Variants in KRT78 observed in about 807,000 individuals in gnomAD.
The protein encoded by KRT78 is keratin, type II cytoskeletal 78.
Under a neutral mutation model 51.4 loss-of-function variants are expected in KRT78, and 55 were observed. The observed-to-expected ratio is 1.07, with a 90% CI of 0.86 to 1.34. KRT78 has a LOEUF of 1.34. Ranked by LOEUF, KRT78 falls within the 40% of genes most tolerant of loss-of-function variation. The pLI is 0.00. For missense variants in KRT78, 652 were observed against 649.4 expected, an observed-to-expected ratio of 1.00 and a Z score of -0.04; for synonymous variants, 291 against 264.3, an observed-to-expected ratio of 1.10 and a Z score of -0.98.
intron 2 of KRT78, 74 bp from the exon 3 acceptor site, chr12:52,846,898 C>T: frequency 8.6e-7 from 1 of 1,159,240 alleles, no homozygotes; most frequent in Admixed American, 1.8e-5. Flanking sequence ...CCGAGCATGA[C>T]CTCCCTGAAA....
chr12:52,839,184 C>T lies in KRT78; in HGVS notation c.1492G>A (p.Ala498Thr), dbSNP rs777325951. 74 of 1,612,748 alleles carry T rather than the reference C, an allele frequency of 4.6e-5. No individual in the cohort carries two copies. The highest frequency in any genetic ancestry group is 4.5e-5 in the East Asian group (2 of 44,870). ...AGGATGGTGTGGCAGCTGGAGCCAG[C>T]GCTGGAGCCAGACACAGAGCAGGAA... ...LDSCSVSGSS[A>T]GSSCHTILKK... The change falls in exon 9 of 9, where the codon GCT becomes ACT. Residue 498 changes from alanine (A) to threonine (T), a missense_variant. Ala to Thr is a moderately conservative substitution (Grantham distance 58). Transcript: ENST00000304620.
intron 6 of KRT78, among the ~76,000 whole-genome samples, chr12:52,840,235 C>A (rs1940461276): frequency 6.6e-6 from 1 of 152,104 alleles, no homozygotes; most frequent in Non-Finnish European, 1.5e-5. Flanking sequence ...TCATGTCCAC[C>A]CAGAACCCCA....
In KRT78 at chr12:52,848,319, C is replaced by A. The variant is rs1285237469; in HGVS notation, c.385-198G>T. The A allele has an allele frequency of 3.3e-6, 5 of 1,510,758 alleles. No homozygotes were observed. The African/African-American group carries it at 5.5e-5, about 17-fold the overall frequency. 93.6% of individuals were successfully genotyped at this position (1,510,758 alleles called of 1,614,324 possible). The stretch of plus-strand genomic sequence containing the variant: ...GACTGGACTGACTAATGGGGCAGGG[C>A]CTTCCCCCCGCTGGCTGGCAGTTCT... On this transcript the variant is annotated intron_variant, in intron 1 of 8. Coordinates refer to ENST00000304620, the MANE Select transcript of KRT78 (RefSeq NM_173352.4).
At chr12:52,840,072 T>C in intron 6 of KRT78, 88 bp from the exon 7 acceptor site, 2 of 914,770 alleles carry the variant, frequency 2.2e-6, no homozygotes, top group South Asian at 3.2e-5. Context: ...ACTTGAAGGC[T>C]GGGGCGGATC....
chr12:52,839,054 G>C lies in KRT78; in HGVS notation c.*59C>G. The C allele has an allele frequency of 2.5e-6, 4 of 1,569,076 alleles. No individual in the cohort carries two copies. The highest frequency in any genetic ancestry group is 2.6e-6 in the Non-Finnish European group (3 of 1,161,060). On this transcript the variant is annotated 3_prime_UTR_variant, in exon 9 of 9. Coordinates refer to ENST00000304620, the MANE Select transcript of KRT78 (RefSeq NM_173352.4). ...GCGGACACGGAGTTGGCCTTGCAGA[G>C]CCGGCTGATGGGGGGAGTGGGCCAA...
intron 2 of KRT78, 40 bp downstream of exon 2, chr12:52,847,867 A>G (rs749887245): frequency 6.3e-7 from 1 of 1,582,912 alleles, no homozygotes; most frequent in Non-Finnish European, 8.7e-7. Flanking sequence ...GTCATCCCAG[A>G]CCCCGCCCAC....
At chr12:52,843,008 AGGAGGGAG>A (rs775388728) in intron 6 of KRT78, among the ~76,000 whole-genome samples, 77 of 25,160 alleles carry the variant, frequency 3.1e-3, no homozygotes, top group Non-Finnish European at 5.5e-3. Flanking sequence ...GAAGGAAGGA[AGGAGGGAG>A]GGAGGGAGGG....
intron 6 of KRT78, among the ~76,000 whole-genome samples, chr12:52,842,028 T>C (rs1371564319): frequency 6.6e-6 from 1 of 152,182 alleles, no homozygotes; most frequent in Non-Finnish European, 1.5e-5. Flanking sequence ...TGGATCTTAA[T>C]AGCCACCCCA....
chr12:52,841,793 C>T (rs1037038145), intron 6 of KRT78, among the ~76,000 whole-genome samples: 4 of 152,168 alleles, frequency 2.6e-5, no homozygotes, highest in African/African-American at 9.6e-5. Context: ...GGGGACAGTG[C>T]TATATCTCCA....
Position 52,844,577 on chromosome 12 carries a change from C to G in KRT78, c.903G>C (p.Glu301Asp). ...EIARSSKAEA[E>D]ALYQTKYQEL... ...CCACCACCTTGGTCTGGTACAAGGCCTCAGCCTCAGCCTTGCTGCTCCGGG... is the reference window on the plus strand; with the variant it reads ...CCACCACCTTGGTCTGGTACAAGGCGTCAGCCTCAGCCTTGCTGCTCCGGG... Residue 301 changes from glutamate to aspartate, a missense_variant, in exon 5 of 9, where the codon GAG becomes GAC. Coordinates refer to ENST00000304620, the MANE Select transcript of KRT78 (RefSeq NM_173352.4). 1 of 1,613,690 alleles carries G rather than the reference C, an allele frequency of 6.2e-7. No homozygotes were observed. The highest frequency in any genetic ancestry group is 1.1e-5 in the South Asian group (1 of 90,994).
chr12:52,841,403 C>T (rs1940495931), intron 6 of KRT78, among the ~76,000 whole-genome samples: 1 of 151,454 alleles, frequency 6.6e-6, no homozygotes, highest in Non-Finnish European at 1.5e-5. Context: ...AGGAGAATCG[C>T]TTGAACCCGG....
In KRT78 at chr12:52,848,878, C is replaced by A; in HGVS notation, c.53G>T (p.Cys18Phe). 1.2e-6 allele frequency: 2 copies of A among 1,605,438 alleles called. No homozygotes were observed. Among genetic ancestry groups the A allele is most frequent in the Non-Finnish European group, 1.7e-6 (2 of 1,176,580 alleles). Residue 18 changes from cysteine to phenylalanine, a missense_variant, in exon 1 of 9, where the codon TGT becomes TTT. Physicochemically the swap from Cys to Phe is radical, Grantham distance 205 (BLOSUM62 -2). Coordinates refer to ENST00000304620, the MANE Select transcript of KRT78 (RefSeq NM_173352.4). ...AQRGFSARSA[C>F]SARSRGRSRG... ...GCTGCGGCCCCTTGAGCGAGCAGAA[C>A]AGGCTGAGCGAGCGCTGAAGCCCCT...
chr12:52,848,752 C>T lies in KRT78; in HGVS notation c.179G>A (p.Gly60Asp), dbSNP rs753693330. Residue 60 changes from glycine (G) to aspartate (D), a missense_variant, in exon 1 of 9, where the codon GGT (glycine) becomes GAT (aspartate). Transcript: ENST00000304620. Reference sequence around the variant, plus strand: ...CTCCCCAAACCGCACCCCCAGCCTACCCCCTGACCCCCAGGTACTCCCACG... The same window carrying T: ...CTCCCCAAACCGCACCCCCAGCCTATCCCCTGACCCCCAGGTACTCCCACG... The part of the protein sequence containing the change: ...GSRGSTWGSG[G>D]RLGVRFGEWS... 30 of 1,607,798 alleles carry T rather than the reference C, an allele frequency of 1.9e-5. No homozygotes were observed. The highest frequency in any genetic ancestry group is 8.9e-5 in the East Asian group (4 of 44,718).
Position 52,839,220 on chromosome 12 carries a change from G to T in KRT78, c.1456C>A (p.Pro486Thr). ...SNIILGSGKD[P>T]VLDSCSVSGS... ...GACACAGAGCAGGAATCCAAAACAG[G>T]GTCCTTCCCAGAGCCCAGAATGATG... Residue 486 changes from proline to threonine, a missense_variant, in exon 9 of 9, where the codon CCT (proline) becomes ACT (threonine). Transcript: ENST00000304620. 1 of 1,612,190 alleles carries T rather than the reference G, an allele frequency of 6.2e-7. No individual in the cohort carries two copies. Among genetic ancestry groups the T allele is most frequent in the Non-Finnish European group, 8.5e-7 (1 of 1,179,420 alleles).
At chr12:52,843,022 GAGGGAGGGAGGGAGGGAGGGAGGGA>G (rs1206645878) in intron 6 of KRT78, among the ~76,000 whole-genome samples, 4 of 109,734 alleles carry the variant, frequency 3.6e-5, no homozygotes, top group African/African-American at 1.7e-4. Flanking sequence ...GGGAGGGAGG[GAGGGAGGGAGGGAGGGAGGGAGGGA>G]AGGGAGGAAG....
Position 52,839,932 on chromosome 12 carries a change from G to T in KRT78, c.1100C>A (p.Ala367Asp), listed in dbSNP as rs373952108. ...CACCTTGGCCTGAGCGTCCTTGAGG[G>T]CCAGCTCCCCACGCTGCTCAGCATC... ...ITDAEQRGEL[A>D]LKDAQAKVDE... The change falls in exon 7 of 9, where the codon GCC (alanine) becomes GAC (aspartate). Residue 367 changes from alanine (A) to aspartate (D), a missense_variant. Physicochemically the swap from Ala to Asp is moderately radical, Grantham distance 126. Transcript: ENST00000304620. 1.3e-4 allele frequency: 202 copies of T among 1,613,936 alleles called. No homozygotes were observed. Among genetic ancestry groups the T allele is most frequent in the Admixed American group, 2.0e-4 (12 of 60,000 alleles).
At chr12:52,844,798 G>T in intron 4 of KRT78, 75 bp from the exon 5 acceptor site, 1 of 1,412,816 alleles carries the variant, frequency 7.1e-7, no homozygotes, top group Non-Finnish European at 9.6e-7. Context: ...GGTTGAGCAG[G>T]ATGATGAATT....
Position 52,839,877 on chromosome 12 carries a change from G to A in KRT78, c.1155C>T (p.Ala385=). 6.2e-7 allele frequency: 1 copy of A among 1,614,058 alleles called. No individual in the cohort carries two copies. Reference sequence around the variant, plus strand: ...ACAGCAGCCGGGCCAGGTTCTGCTTGGCCATCCTCAGAGCAGCCTCCAGCT... The same window carrying A: ...ACAGCAGCCGGGCCAGGTTCTGCTTAGCCATCCTCAGAGCAGCCTCCAGCT... The part of the protein sequence containing the change: ...VDELEAALRM[A]KQNLARLLCE... Residue 385 remains alanine (A), a synonymous_variant, in exon 7 of 9, where the codon GCC becomes GCT. Transcript: ENST00000304620.
Position 52,839,040 on chromosome 12 carries a change from G to C in KRT78, c.*73C>G, listed in dbSNP as rs1592142500. The C allele has an allele frequency of 7.1e-6, 11 of 1,542,434 alleles. No homozygotes were observed. In the South Asian group the frequency reaches 1.4e-4, roughly 19 times the overall value. On this transcript the variant is annotated 3_prime_UTR_variant, in exon 9 of 9. Transcript: ENST00000304620. Reference sequence around the variant, plus strand: ...TTGGGCTGTGGGCAGCGGACACGGAGTTGGCCTTGCAGAGCCGGCTGATGG... The same window carrying C: ...TTGGGCTGTGGGCAGCGGACACGGACTTGGCCTTGCAGAGCCGGCTGATGG...
Sources: gnomAD v4.1 joint callset for allele counts (sites outside exome capture counted in the v4.1 genomes callset) on GRCh38, gnomAD v4.1.1 for gene constraint, MANE v1.5 for transcripts, NCBI Gene and HGNC (gene_info 2026-07-23, HGNC 2026-07-21) for gene names.